Variants in SPTBN1 observed in about 807,000 individuals in gnomAD.
SPTBN1 encodes the protein spectrin beta, non-erythrocytic 1, also known as spectrin beta chain, non-erythrocytic 1.
Under a neutral mutation model 266.4 loss-of-function variants are expected in SPTBN1, and 32 were observed. That is an observed-to-expected ratio of 0.12 (90% CI 0.09 to 0.16). The LOEUF (loss-of-function observed/expected upper bound fraction) is 0.16, where lower values mean the gene tolerates loss of function less well. Ranked by LOEUF, SPTBN1 falls within the 10% of genes least tolerant of loss-of-function variation. SPTBN1 has a pLI of 1.00. For synonymous variants in SPTBN1, 1,336 were observed against 1,162.2 expected (o/e 1.15, Z -3.04); for missense variants, 2,296 against 3,067.1 (o/e 0.75, Z 5.94).
At chr2:54,550,880 G>GT (rs1558830073) in intron 2 of SPTBN1, among the ~76,000 whole-genome samples, 1 of 152,178 alleles carries the variant, frequency 6.6e-6, no homozygotes, top group African/African-American at 2.4e-5. Flanking sequence ...GGCTGAGAAC[G>GT]TGTCAGATGA....
At chr2:54,577,115 T>G (rs1200779345) in intron 2 of SPTBN1, among the ~76,000 whole-genome samples, 1 of 152,164 alleles carries the variant, frequency 6.6e-6, no homozygotes, top group Admixed American at 6.5e-5. Context: ...TTTTGCCTCC[T>G]TTTTGTTAGC....
In SPTBN1 at chr2:54,521,724, A is replaced by G. The variant is rs574736721; in HGVS notation, c.-47-4648A>G. The stretch of plus-strand genomic sequence containing the variant: ...AGAAGGGTTGGGAGGGTGTCTCACC[A>G]TCTTGCCCAGGTTGGTCTCAAACTC... On this transcript the variant is annotated intron_variant, in intron 1 of 35. Coordinates refer to ENST00000356805, the MANE Select transcript of SPTBN1 (RefSeq NM_003128.3). 1.3e-4 allele frequency among the ~76,000 whole-genome samples: 20 copies of G among 152,142 alleles called. No homozygotes were observed. The East Asian group carries it at 3.9e-3, about 30-fold the overall frequency.
intron 1 of SPTBN1, among the ~76,000 whole-genome samples, chr2:54,506,713 T>G (rs920804413): frequency 6.6e-6 from 1 of 152,120 alleles, no homozygotes; most frequent in Non-Finnish European, 1.5e-5. Context: ...ACAGTATACT[T>G]TCAGGCAAGA....
chr2:54,591,564 G>T (rs1373018620), intron 2 of SPTBN1, among the ~76,000 whole-genome samples: 2 of 152,186 alleles, frequency 1.3e-5, no homozygotes, highest in African/African-American at 2.4e-5. Context: ...TATAAATTCA[G>T]TCTTTAGGGG....
At chr2:54,616,472 C>T (rs1430467359) in intron 5 of SPTBN1, among the ~76,000 whole-genome samples, 174 bp downstream of exon 5, 4 of 152,204 alleles carry the variant, frequency 2.6e-5, no homozygotes, top group African/African-American at 9.7e-5. Flanking sequence ...GAAAGGAGCT[C>T]TAATTTATAT....
intron 2 of SPTBN1, among the ~76,000 whole-genome samples, chr2:54,597,393 C>G (rs1294504072): frequency 2.0e-5 from 3 of 152,208 alleles, no homozygotes; most frequent in Non-Finnish European, 4.4e-5. Flanking sequence ...ATTGGTGCAG[C>G]TGCTTCTCCA....
At chr2:54,521,694 A>G (rs1670451545) in intron 1 of SPTBN1, among the ~76,000 whole-genome samples, 1 of 151,596 alleles carries the variant, frequency 6.6e-6, no homozygotes, top group African/African-American at 2.4e-5. Flanking sequence ...TTATAGAGAT[A>G]GTGAAGAAGG....
At chr2:54,631,662 G>A (rs1360602660) in intron 16 of SPTBN1, 51 bp downstream of exon 16, 6 of 1,565,024 alleles carry the variant, frequency 3.8e-6, no homozygotes, top group Non-Finnish European at 5.2e-6. Context: ...AGCCCTGGCT[G>A]CCTTTTGAAA....
chr2:54,633,106 T>G (rs1436452602), intron 17 of SPTBN1, among the ~76,000 whole-genome samples: 1 of 152,168 alleles, frequency 6.6e-6, no homozygotes, highest in Non-Finnish European at 1.5e-5. Flanking sequence ...TTGTGTCACC[T>G]GATAGGACCC....
chr2:54,583,048 G>A (rs146620797), intron 2 of SPTBN1, among the ~76,000 whole-genome samples: 58 of 152,220 alleles, frequency 3.8e-4, no homozygotes, highest in Admixed American at 6.5e-4. Flanking sequence ...TAATTCCTCC[G>A]TCATCTAGGA....
chr2:54,461,643 T>C (rs1693374704), intron 1 of SPTBN1, among the ~76,000 whole-genome samples: 1 of 152,268 alleles, frequency 6.6e-6, no homozygotes, highest in Admixed American at 6.5e-5. Context: ...CAGTGAAACA[T>C]TATCTCACTG....
chr2:54,628,264 A>G lies in SPTBN1; in HGVS notation c.1798+14A>G. The G allele has an allele frequency of 6.2e-7, 1 of 1,603,828 alleles. No individual in the cohort carries two copies. The highest frequency in any genetic ancestry group is 8.5e-7 in the Non-Finnish European group (1 of 1,175,560). Reference sequence around the variant, plus strand: ...CAGACGGGGAAGGTAAGGATGGCCCATTCCAAGCATTACCTCCGGGTCACC... The same window carrying G: ...CAGACGGGGAAGGTAAGGATGGCCCGTTCCAAGCATTACCTCCGGGTCACC... On this transcript the variant is annotated intron_variant, in intron 13 of 35. Coordinates refer to ENST00000356805, the MANE Select transcript of SPTBN1 (RefSeq NM_003128.3). This position sits in a 1 kb window ranked among gnomAD's most constrained non-coding sequence, Gnocchi z 4.3.
chr2:54,619,521 C>T (rs552679149), intron 7 of SPTBN1, among the ~76,000 whole-genome samples: 5 of 152,292 alleles, frequency 3.3e-5, no homozygotes, highest in African/African-American at 1.2e-4. Context: ...GATCACAAGA[C>T]GAGGAGCTAA....
rs72077761 is a variant in SPTBN1 at position 54,481,391 on chromosome 2, AGTGTGTGTGTGTGT to A, written c.-48+24910_-48+24923del. On this transcript the variant is annotated intron_variant, in intron 1 of 35. Transcript: ENST00000356805. ...GAAGATTAGAGGCTGCAGAAACCTG[AGTGTGTGTGTGTGT>A]GTGTGTGTGTGTGTGTGTGTGTGTG... Among the ~76,000 whole-genome samples, 843 of 117,394 alleles carry A rather than the reference AGTGTGTGTGTGTGT, an allele frequency of 7.2e-3. 11 individuals are homozygous for A. The highest frequency in any genetic ancestry group is 0.02 in the African/African-American group (576 of 29,156). 77.0% of individuals were successfully genotyped at this position (117,394 alleles called of 152,430 possible). A position where few individuals can be genotyped will look rare whatever the true frequency, so the allele number is the denominator to read the frequency against.
chr2:54,610,100 G>A lies in SPTBN1; in HGVS notation c.301-2061G>A, dbSNP rs143609444. The stretch of plus-strand genomic sequence containing the variant: ...TTTTCCTTCATTGATTTTCTTAATG[G>A]TGCCTGGGAACTCATCTGCTGCCTC... On this transcript the variant is annotated intron_variant, in intron 3 of 35. Coordinates refer to ENST00000356805, the MANE Select transcript of SPTBN1 (RefSeq NM_003128.3). Among the ~76,000 whole-genome samples, 197 of 116,778 alleles carry A rather than the reference G, an allele frequency of 1.7e-3. 4 individuals are homozygous for A. In the South Asian group the frequency reaches 0.046, roughly 27 times the overall value. 76.6% of individuals were successfully genotyped at this position (116,778 alleles called of 152,430 possible).
intron 1 of SPTBN1, among the ~76,000 whole-genome samples, chr2:54,487,523 T>G (rs1275101425): frequency 6.6e-6 from 1 of 152,234 alleles, no homozygotes; most frequent in Non-Finnish European, 1.5e-5. Flanking sequence ...AAGCCTTCCC[T>G]GATTTTCAGC....
chr2:54,481,015 G>T (rs1055462543), intron 1 of SPTBN1, among the ~76,000 whole-genome samples: 4 of 152,110 alleles, frequency 2.6e-5, no homozygotes, highest in Non-Finnish European at 4.4e-5. Context: ...TTGTCATTAA[G>T]AGTGACATTC....
intron 2 of SPTBN1, among the ~76,000 whole-genome samples, chr2:54,547,348 T>G (rs1298130180): frequency 6.6e-6 from 1 of 152,256 alleles, no homozygotes; most frequent in Non-Finnish European, 1.5e-5. Flanking sequence ...CCACATTTTG[T>G]TTATCCATTC....
chr2:54,657,554 A>G (rs1680757721), intron 29 of SPTBN1, among the ~76,000 whole-genome samples: 2 of 152,254 alleles, frequency 1.3e-5, no homozygotes, highest in Admixed American at 6.5e-5. Context: ...ACAGATCTCA[A>G]TAGTTTTTTT....
Sources: allele counts gnomAD v4.1 joint callset (sites outside exome capture counted in the v4.1 genomes callset), GRCh38; gene constraint gnomAD v4.1.1; non-coding constraint Gnocchi (gnomAD v3.1); transcripts MANE v1.5; gene names NCBI Gene and HGNC (gene_info 2026-07-23, HGNC 2026-07-21).